The following COL5A1 variants were observed in gnomAD, a reference collection of about 807,000 sequenced individuals.
COL5A1 encodes the protein collagen alpha-1(V) chain.
Under a neutral mutation model 263.7 loss-of-function variants are expected in COL5A1, and 16 were observed. The ratio of observed to expected loss-of-function variants is 0.06; its 90% CI spans 0.04 to 0.09. The LOEUF is 0.09. Ranked by LOEUF, COL5A1 falls within the 10% of genes least tolerant of loss-of-function variation. The pLI is 1.00. For synonymous variants in COL5A1, 1,012 were observed against 1,004.5 expected, an observed-to-expected ratio of 1.01 and a Z score of -0.14; for missense variants, 2,036 against 2,540.5, an observed-to-expected ratio of 0.80 and a Z score of 4.27.
chr9:134,719,423 C>T (rs745836693), intron 4 of COL5A1, among the ~76,000 whole-genome samples: 2 of 152,252 alleles, frequency 1.3e-5, no homozygotes, highest in Non-Finnish European at 2.9e-5. Flanking sequence ...CACATGCACG[C>T]ACACGTATGT....
chr9:134,826,848 GTGTGGGTGTGTGTGGCTGGTGTA>G (rs1257934698), intron 63 of COL5A1, among the ~76,000 whole-genome samples: 6 of 149,886 alleles, frequency 4.0e-5, no homozygotes, highest in Non-Finnish European at 7.5e-5. Context: ...TGTATATGGT[GTGTGGGTGTGTGTGGCTGGTGTA>G]TGTGGGTGCA....
rs1837927410 is a variant in COL5A1, at chr9:134,796,832, C to G, written c.2845-16C>G. ...AGAGACCTCTTGTCCTCAAACTGGC[C>G]TTTCTCTGTTCCCAGGGACCCAATG... On this transcript the variant is annotated splice_polypyrimidine_tract_variant and intron_variant, in intron 35 of 65. Coordinates refer to ENST00000371817, the MANE Select transcript of COL5A1 (RefSeq NM_000093.5). 6.2e-7 allele frequency: 1 copy of G among 1,613,986 alleles called. No individual in the cohort carries two copies. The highest frequency in any genetic ancestry group is 1.3e-5 in the African/African-American group (1 of 75,062).
Position 134,701,481 on chromosome 9 carries a change from G to A in COL5A1, c.654+148G>A. ...TCTCTGTTGGTCAGAAGCCTCTGCT[G>A]CCATCCTAAGAGATGTTTGTGGCTT... On this transcript the variant is annotated intron_variant, in intron 4 of 65. Transcript: ENST00000371817. The A allele has an allele frequency of 3.6e-6, 3 of 828,404 alleles. 1 individual carries two copies. The highest frequency in any genetic ancestry group is 6.0e-6 in the Non-Finnish European group (3 of 500,474). The allele number at this position is 828,404 out of a possible 1,614,324, so 51.3% of individuals were successfully genotyped here.
Position 134,830,044 on chromosome 9 carries a change from G to T in COL5A1, c.5136G>T (p.Leu1712=). The part of the protein sequence containing the change: ...SWFSEFKRGK[L]LSYVDAEGNP... Reference sequence around the variant, plus strand: ...TCAGTGAATTCAAGCGTGGGAAACTGGTAAGGTGGCCTCTGGCGTCTTTGC... The same window carrying T: ...TCAGTGAATTCAAGCGTGGGAAACTTGTAAGGTGGCCTCTGGCGTCTTTGC... Residue 1712 remains leucine, a splice_region_variant and synonymous_variant, in exon 64 of 66, where the codon CTG becomes CTT. Transcript: ENST00000371817. The T allele has an allele frequency of 2.5e-6, 4 of 1,614,012 alleles. No homozygotes were observed. Among genetic ancestry groups the T allele is most frequent in the Non-Finnish European group, 2.5e-6 (3 of 1,179,950 alleles).
At chr9:134,723,136 T>G (rs912915879) in intron 4 of COL5A1, among the ~76,000 whole-genome samples, 2 of 152,178 alleles carry the variant, frequency 1.3e-5, no homozygotes, top group African/African-American at 4.8e-5. Context: ...AGTGCCCTCC[T>G]CAGCCCAGCA....
intron 24 of COL5A1, among the ~76,000 whole-genome samples, chr9:134,767,679 T>C (rs1371921762): frequency 6.6e-6 from 1 of 152,226 alleles, no homozygotes; most frequent in Non-Finnish European, 1.5e-5. Flanking sequence ...CCGGGCATCT[T>C]GTTTTGTTGT....
chr9:134,831,574 A>G (rs966211152), intron 64 of COL5A1, among the ~76,000 whole-genome samples: 5 of 152,132 alleles, frequency 3.3e-5, no homozygotes, highest in African/African-American at 1.2e-4. Flanking sequence ...CAGGCAAGGA[A>G]GGGGCCCTGG....
chr9:134,823,506 G>T (rs113122539), intron 61 of COL5A1, 37 bp downstream of exon 61: 11 of 1,601,938 alleles, frequency 6.9e-6, no homozygotes, highest in Non-Finnish European at 9.4e-6. Context: ...CGGGACGGGG[G>T]CTCTGGCTAG....
intron 31 of COL5A1, among the ~76,000 whole-genome samples, chr9:134,788,865 TAGAC>T (rs774255008): frequency 1.0e-3 from 101 of 100,530 alleles, no homozygotes; most frequent in Non-Finnish European, 9.6e-4. Flanking sequence ...GGAGGATAGG[TAGAC>T]AGGCAGATAG....
Position 134,704,094 on chromosome 9 carries a change from A to G in COL5A1, c.654+2761A>G, listed in dbSNP as rs563305169. Among the ~76,000 whole-genome samples the G allele has an allele frequency of 4.7e-4, 71 of 152,268 alleles. 1 individual carries two copies. The South Asian group carries it at 0.014, about 30-fold the overall frequency. ...CAAATAGTGCTTCATTGATATTCTA[A>G]CTGAGCAGGAAAAGCTGTTTTCCCA... On this transcript the variant is annotated intron_variant, in intron 4 of 65. Transcript: ENST00000371817.
intron 25 of COL5A1, among the ~76,000 whole-genome samples, chr9:134,769,999 T>C (rs955370229): frequency 4.6e-5 from 7 of 152,300 alleles, no homozygotes; most frequent in Admixed American, 1.3e-4. Context: ...TTTATATTCT[T>C]TGGGGGAAGG....
At chr9:134,823,111 C>G (rs1449070725) in intron 60 of COL5A1, 78 bp downstream of exon 60, 4 of 1,512,108 alleles carry the variant, frequency 2.6e-6, no homozygotes, top group Non-Finnish European at 3.7e-6. Flanking sequence ...CGGGAACAAA[C>G]TACCCAGACA....
At position 134,746,836 on chromosome 9, in the gene COL5A1, A is replaced by G. The variant is rs146461227; in HGVS notation, c.1495-3706A>G. ...ATTTTGCCTGTGGCTGGAGCCAAGC[A>G]GCATCCGCATGACCTGTGTGTGGGC... On this transcript the variant is annotated intron_variant, in intron 11 of 65. Transcript: ENST00000371817. Among the ~76,000 whole-genome samples, 261 of 152,386 alleles carry G rather than the reference A, an allele frequency of 1.7e-3. 1 individual carries two copies. The Middle Eastern group carries it at 0.027, about 16-fold the overall frequency.
At chr9:134,834,945 G>GA in intron 64 of COL5A1, 26 bp from the exon 65 acceptor site, 1 of 1,545,616 alleles carries the variant, frequency 6.5e-7, no homozygotes, top group Non-Finnish European at 8.9e-7. Flanking sequence ...CCACCCTGCT[G>GA]AGCCCCAACA....
chr9:134,671,741 C>T (rs1018626244), intron 1 of COL5A1, among the ~76,000 whole-genome samples: 4 of 152,210 alleles, frequency 2.6e-5, no homozygotes, highest in South Asian at 2.1e-4. Context: ...TCCTCTATCA[C>T]GTTGTCTGTT....
At chr9:134,752,423 G>C (rs112206433) in intron 13 of COL5A1, among the ~76,000 whole-genome samples, 166 bp from the exon 14 acceptor site, 28 of 134,924 alleles carry the variant, frequency 2.1e-4, no homozygotes, top group Admixed American at 4.8e-4. Flanking sequence ...CGAAGTCGGG[G>C]GGGGGGGGCC....
intron 41 of COL5A1, among the ~76,000 whole-genome samples, chr9:134,805,900 CAAGGG>C (rs1476071076): frequency 6.6e-6 from 1 of 151,936 alleles, no homozygotes; most frequent in East Asian, 1.9e-4. Context: ...GGCAGACCCT[CAAGGG>C]GAGGGGGTGC....
In COL5A1 at chr9:134,836,141, G is replaced by T. The variant is rs1291396177; in HGVS notation, c.5370+937G>T. Among the ~76,000 whole-genome samples, 8 of 152,214 alleles carry T rather than the reference G, an allele frequency of 5.3e-5. 1 individual carries two copies. Among genetic ancestry groups the T allele is most frequent in the African/African-American group, 1.2e-4 (5 of 41,450 alleles). ...AGTGTTTGTAGAAAGGCACGCCTGAGGCCGGGTAAACGGGAAGCGGTTTAC... is the reference window on the plus strand; with the variant it reads ...AGTGTTTGTAGAAAGGCACGCCTGATGCCGGGTAAACGGGAAGCGGTTTAC... On this transcript the variant is annotated intron_variant, in intron 65 of 65. Transcript: ENST00000371817.
chr9:134,707,848 C>A (rs1293361858), intron 4 of COL5A1, among the ~76,000 whole-genome samples: 2 of 152,218 alleles, frequency 1.3e-5, no homozygotes, highest in African/African-American at 2.4e-5. Context: ...GGGGAAGCCC[C>A]AGGGGAGGGA....
Sources: gnomAD v4.1 joint callset for allele counts (sites outside exome capture counted in the v4.1 genomes callset) on GRCh38, gnomAD v4.1.1 for gene constraint, MANE v1.5 for transcripts, NCBI Gene and HGNC (gene_info 2026-07-23, HGNC 2026-07-21) for gene names.